The following PCNX1 variants were observed in gnomAD, a reference collection of about 807,000 sequenced individuals.
PCNX1 encodes the protein pecanex 1, also known as pecanex-like protein 1.
In PCNX1, 78 loss-of-function variants were observed where a neutral mutation model predicts 242.2. That is an observed-to-expected ratio of 0.32 (90% CI 0.27 to 0.39). PCNX1 has a LOEUF of 0.39. Ranked by LOEUF, PCNX1 falls within the 10% of genes least tolerant of loss-of-function variation. The probability of loss-of-function intolerance (pLI) is 1.00; values close to 1 mark genes in which losing one functional copy is unlikely to be tolerated. For synonymous variants in PCNX1, 1,024 were observed against 1,032.9 expected (o/e 0.99, Z 0.17); for missense variants, 2,581 against 2,856.5 (o/e 0.90, Z 2.20).
chr14:70,914,421 A>G (rs1020336455), intron 1 of PCNX1, among the ~76,000 whole-genome samples: 2 of 152,226 alleles, frequency 1.3e-5, no homozygotes, highest in Admixed American at 6.5e-5. Context: ...GTTGATTTAT[A>G]AAATGTTCTG....
intron 2 of PCNX1, among the ~76,000 whole-genome samples, chr14:70,949,222 GATATATGTA>G (rs2057634883): frequency 8.0e-5 from 10 of 124,946 alleles, no homozygotes; most frequent in Admixed American, 2.3e-4. Flanking sequence ...TGTATATATA[GATATATGTA>G]TGTGTATATA....
At chr14:71,074,548 A>T (rs1242590358) in intron 27 of PCNX1, among the ~76,000 whole-genome samples, 2 of 152,192 alleles carry the variant, frequency 1.3e-5, no homozygotes, top group Non-Finnish European at 2.9e-5. Flanking sequence ...AGTTGTGCAG[A>T]TGCCTGTTTT....
In PCNX1 at chr14:70,908,017, C is replaced by T. The variant is rs1412012409; in HGVS notation, c.153+14C>T. 3.2e-6 allele frequency: 5 copies of T among 1,555,804 alleles called. No individual in the cohort carries two copies. The highest frequency in any genetic ancestry group is 2.1e-4 in the Middle Eastern group (1 of 4,876). Reference sequence around the variant, plus strand: ...ACCCTCTACATGGTGAGTGTGGGGGCGGGGAGCGGGTGGCTCCTTCCCCGC... The same window carrying T: ...ACCCTCTACATGGTGAGTGTGGGGGTGGGGAGCGGGTGGCTCCTTCCCCGC... On this transcript the variant is annotated intron_variant, in intron 1 of 35. Coordinates refer to ENST00000304743, the MANE Select transcript of PCNX1 (RefSeq NM_014982.3).
At chr14:70,968,991 G>A in intron 4 of PCNX1, 30 bp from the exon 5 acceptor site, 1 of 1,246,650 alleles carries the variant, frequency 8.0e-7, no homozygotes, top group Non-Finnish European at 1.2e-6. Context: ...GTTAATATAA[G>A]GTCCTCACAT....
At chr14:71,077,109 G>A (rs1252300542) in intron 28 of PCNX1, among the ~76,000 whole-genome samples, 1 of 152,122 alleles carries the variant, frequency 6.6e-6, no homozygotes, top group Non-Finnish European at 1.5e-5. Flanking sequence ...GATCACCCTA[G>A]GTGATTTTAA....
chr14:70,976,452 A>C (rs1294409809), intron 5 of PCNX1, among the ~76,000 whole-genome samples: 1 of 146,530 alleles, frequency 6.8e-6, no homozygotes, highest in African/African-American at 2.6e-5. Context: ...GGCTCACTGC[A>C]TGCTCCGCCT....
At chr14:70,984,666 G>A (rs867212394) in intron 6 of PCNX1, among the ~76,000 whole-genome samples, 1 of 152,044 alleles carries the variant, frequency 6.6e-6, no homozygotes, top group African/African-American at 2.4e-5. Context: ...GATTACAGGC[G>A]TGAGCCACCG....
chr14:71,013,268 T>C, intron 11 of PCNX1, 66 bp downstream of exon 11: 1 of 1,226,560 alleles, frequency 8.2e-7, no homozygotes, highest in Non-Finnish European at 1.2e-6. Flanking sequence ...TGTCTTTAAT[T>C]ACCCACTGAG....
intron 5 of PCNX1, among the ~76,000 whole-genome samples, chr14:70,975,587 A>C (rs2058666980): frequency 6.6e-6 from 1 of 152,174 alleles, no homozygotes; most frequent in Non-Finnish European, 1.5e-5. Context: ...ACTCAGATTT[A>C]CTATAGAATC....
At chr14:70,908,095 C>T (rs1157885815) in intron 1 of PCNX1, 92 bp downstream of exon 1, 2 of 1,258,238 alleles carry the variant, frequency 1.6e-6, no homozygotes, top group Non-Finnish European at 2.1e-6. Context: ...CACGGGGTCT[C>T]GTCCCCCGGG....
intron 3 of PCNX1, among the ~76,000 whole-genome samples, chr14:70,966,488 T>G (rs1214648491): frequency 6.6e-6 from 1 of 152,178 alleles, no homozygotes; most frequent in Admixed American, 6.5e-5. Context: ...GAGATTTTCC[T>G]TGATCACTTT....
At chr14:71,038,101 G>T (rs2060597146) in intron 19 of PCNX1, among the ~76,000 whole-genome samples, 3 of 55,132 alleles carry the variant, frequency 5.4e-5, no homozygotes, top group Non-Finnish European at 7.0e-5. Flanking sequence ...TTAAACGTTA[G>T]ACCTAAAACC....
chr14:71,090,630 A>C (rs1595482526), intron 30 of PCNX1, among the ~76,000 whole-genome samples: 1 of 152,360 alleles, frequency 6.6e-6, no homozygotes, highest in East Asian at 1.9e-4. Flanking sequence ...GACAAAATTC[A>C]GTGCATTTCA....
At chr14:70,987,523 TAAAG>T (rs1429591421) in intron 6 of PCNX1, among the ~76,000 whole-genome samples, 5 of 152,344 alleles carry the variant, frequency 3.3e-5, no homozygotes, top group Non-Finnish European at 7.3e-5. Context: ...TAAAGGAATT[TAAAG>T]GAAGTTTCAT....
At chr14:70,939,764 A>G (rs889107366) in intron 1 of PCNX1, among the ~76,000 whole-genome samples, 2 of 152,146 alleles carry the variant, frequency 1.3e-5, no homozygotes, top group African/African-American at 2.4e-5. Context: ...GTGGGAGTCT[A>G]AGTCTCTTTG....
chr14:70,916,199 G>A (rs2056146472), intron 1 of PCNX1, among the ~76,000 whole-genome samples: 1 of 152,138 alleles, frequency 6.6e-6, no homozygotes, highest in Non-Finnish European at 1.5e-5. Context: ...CAATTTTGAA[G>A]GTATCTTTGA....
At chr14:71,031,587 C>G in intron 16 of PCNX1, 1 of 526,854 alleles carries the variant, frequency 1.9e-6, no homozygotes. Flanking sequence ...GGGACTCAGT[C>G]TAATCCTGCA....
intron 12 of PCNX1, among the ~76,000 whole-genome samples, chr14:71,022,540 T>C (rs2060132530): frequency 6.6e-6 from 1 of 152,124 alleles, no homozygotes; most frequent in South Asian, 2.1e-4. Flanking sequence ...AGGGTGGTGA[T>C]AGATAATCCT....
At chr14:71,100,226 G>A (rs947827971) in intron 30 of PCNX1, among the ~76,000 whole-genome samples, 5 of 152,242 alleles carry the variant, frequency 3.3e-5, no homozygotes, top group East Asian at 1.9e-4. Context: ...TTTTGTGGTA[G>A]CAGGTATTAT....
Sources: gnomAD v4.1 joint callset for allele counts (sites outside exome capture counted in the v4.1 genomes callset) on GRCh38, gnomAD v4.1.1 for gene constraint, MANE v1.5 for transcripts, NCBI Gene and HGNC (gene_info 2026-07-23, HGNC 2026-07-21) for gene names.